Variants in SLCO3A1 observed in about 807,000 individuals in gnomAD.
The protein encoded by SLCO3A1 is solute carrier organic anion transporter family member 3A1.
Under a neutral mutation model 63.1 loss-of-function variants are expected in SLCO3A1, and 27 were observed. That is an observed-to-expected ratio of 0.43 (90% CI 0.32 to 0.59). The LOEUF (loss-of-function observed/expected upper bound fraction) is 0.59, where lower values mean the gene tolerates loss of function less well. SLCO3A1 is among the 20% of genes least tolerant of loss of function. The probability of loss-of-function intolerance (pLI) is 0.09; values close to 1 mark genes in which losing one functional copy is unlikely to be tolerated. For synonymous variants in SLCO3A1, 473 were observed against 409.9 expected, an observed-to-expected ratio of 1.15 and a Z score of -1.86; for missense variants, 773 against 945.8, an observed-to-expected ratio of 0.82 and a Z score of 2.40.
Position 91,882,824 on chromosome 15 carries a change from G to T in SLCO3A1, c.180+28736G>T, listed in dbSNP as rs1331398229. ...GGTGTGAGCTACCGCGCCCAGCCAT[G>T]ACTTCTTAATCCCACTCGGATTTCA... On this transcript the variant is annotated intron_variant, in intron 1 of 9. Coordinates refer to ENST00000318445, the MANE Select transcript of SLCO3A1 (RefSeq NM_013272.4). This position sits in a 1 kb window ranked among gnomAD's most constrained non-coding sequence, Gnocchi z 4.4. 2.6e-5 allele frequency among the ~76,000 whole-genome samples: 4 copies of T among 152,184 alleles called. No homozygotes were observed. Among genetic ancestry groups the T allele is most frequent in the Non-Finnish European group, 4.4e-5 (3 of 68,018 alleles).
In SLCO3A1 at chr15:91,916,543, C is replaced by A; in HGVS notation, c.646+85C>A. 1 of 1,042,134 alleles carries A rather than the reference C, an allele frequency of 9.6e-7. No individual in the cohort carries two copies. Among genetic ancestry groups the A allele is most frequent in the South Asian group, 1.5e-5 (1 of 65,380 alleles). 64.6% of individuals were successfully genotyped at this position (1,042,134 alleles called of 1,614,324 possible). A position where few individuals can be genotyped will look rare whatever the true frequency, so the allele number is the denominator to read the frequency against. ...GTGGCCTGGTGGACTTTGATTTTGC[C>A]AGAGTACTGGTTCTCAGACTTGGCT... On this transcript the variant is annotated intron_variant, in intron 2 of 9. Coordinates refer to ENST00000318445, the MANE Select transcript of SLCO3A1 (RefSeq NM_013272.4). The surrounding 1 kb of genome is among the most constrained non-coding windows in gnomAD (Gnocchi z 6.2).
At chr15:92,083,866 G>A (rs1284266327) in intron 2 of SLCO3A1, among the ~76,000 whole-genome samples, 3 of 152,146 alleles carry the variant, frequency 2.0e-5, no homozygotes, top group East Asian at 1.9e-4. Context: ...ACAATCCTGC[G>A]AGGTGGGTAC....
In SLCO3A1 at chr15:91,882,608, G is replaced by A. The variant is rs557556512; in HGVS notation, c.180+28520G>A. On this transcript the variant is annotated intron_variant, in intron 1 of 9. Transcript: ENST00000318445. This position sits in a 1 kb window ranked among gnomAD's most constrained non-coding sequence, Gnocchi z 4.4. Reference sequence around the variant, plus strand: ...CAGCTCACTGCAACCTCCGCCTCCCGGGTTCAAGCGATTCTCTTGCTTCAG... The same window carrying A: ...CAGCTCACTGCAACCTCCGCCTCCCAGGTTCAAGCGATTCTCTTGCTTCAG... Among the ~76,000 whole-genome samples the A allele has an allele frequency of 2.8e-3, 420 of 150,218 alleles. 5 individuals carry two copies. Among genetic ancestry groups the A allele is most frequent in the East Asian group, 6.1e-4 (3 of 4,922 alleles).
intron 2 of SLCO3A1, among the ~76,000 whole-genome samples, chr15:91,958,258 T>C (rs1409344781): frequency 6.6e-6 from 1 of 152,202 alleles, no homozygotes; most frequent in Non-Finnish European, 1.5e-5. Flanking sequence ...TCAAAATTTA[T>C]AGTCAGTGTT....
At chr15:92,147,318 A>G (rs732546) in intron 8 of SLCO3A1, among the ~76,000 whole-genome samples, 159 bp downstream of exon 8, 53,260 of 151,878 alleles carry the variant, frequency 0.35, 9,414 homozygotes, top group East Asian at 0.42. Context: ...GGAATCAATT[A>G]TGTTTGATAG....
Position 91,946,121 on chromosome 15 carries a change from G to A in SLCO3A1, c.646+29663G>A, listed in dbSNP as rs184408701. ...ATTCAGTATGGACTTCTTACTTCAG[G>A]GAGTGTGTCCCCAGGTCACCTTGGT... is the stretch of plus-strand genomic sequence containing the variant. On this transcript the variant is annotated intron_variant, in intron 2 of 9. Coordinates refer to ENST00000318445, the MANE Select transcript of SLCO3A1 (RefSeq NM_013272.4). Among the ~76,000 whole-genome samples the A allele has an allele frequency of 3.9e-5, 6 of 152,284 alleles. No homozygotes were observed. The East Asian group carries it at 1.2e-3, about 29-fold the overall frequency.
intron 2 of SLCO3A1, among the ~76,000 whole-genome samples, chr15:91,971,965 G>A (rs1900892578): frequency 6.6e-6 from 1 of 152,058 alleles, no homozygotes; most frequent in African/African-American, 2.4e-5. Flanking sequence ...TGGAATATTT[G>A]CATTATATTC....
At chr15:91,871,059 T>C (rs1897268628) in intron 1 of SLCO3A1, among the ~76,000 whole-genome samples, 1 of 152,208 alleles carries the variant, frequency 6.6e-6, no homozygotes, top group African/African-American at 2.4e-5. Context: ...CAGGAGTCTG[T>C]GTTTAAAGAT....
At chr15:91,956,831 C>A (rs1301701829) in intron 2 of SLCO3A1, among the ~76,000 whole-genome samples, 1 of 131,852 alleles carries the variant, frequency 7.6e-6, no homozygotes, top group African/African-American at 2.9e-5. Flanking sequence ...GCTCTGTCAC[C>A]CAGGCTGGAG....
Position 92,073,833 on chromosome 15 carries a change from C to T in SLCO3A1, c.647-21048C>T, listed in dbSNP as rs143551272. ...TCAGACATGGCTCAGTGTTCCCTGG[C>T]GGGCAAAGTTGCCACTGGTTAAGAA... On this transcript the variant is annotated intron_variant, in intron 2 of 9. Transcript: ENST00000318445. Among the ~76,000 whole-genome samples the T allele has an allele frequency of 7.1e-3, 1,079 of 152,314 alleles. 12 individuals are homozygous for T. The highest frequency in any genetic ancestry group is 0.022 in the African/African-American group (917 of 41,556).
intron 2 of SLCO3A1, among the ~76,000 whole-genome samples, chr15:92,001,221 AG>A (rs77843579): frequency 7.6e-5 from 3 of 39,226 alleles, no homozygotes; most frequent in South Asian, 8.9e-4. Context: ...GGCGGGGGGG[AG>A]GGGGCGAACA....
rs1296091955 is a variant in SLCO3A1, at chr15:91,946,289, C to T, written c.646+29831C>T. The stretch of plus-strand genomic sequence containing the variant: ...GTCAGTGGCAGGGAGCCAGGCTGCA[C>T]GTCTTTGATTTTTAACCTACACTCT... On this transcript the variant is annotated intron_variant, in intron 2 of 9. Transcript: ENST00000318445. Among the ~76,000 whole-genome samples, 3 of 152,164 alleles carry T rather than the reference C, an allele frequency of 2.0e-5. No homozygotes were observed. In the East Asian group the frequency reaches 5.8e-4, roughly 29 times the overall value.
At chr15:92,106,658 G>T (rs1027645381) in intron 4 of SLCO3A1, among the ~76,000 whole-genome samples, 2 of 152,160 alleles carry the variant, frequency 1.3e-5, no homozygotes, top group African/African-American at 2.4e-5. Context: ...GGAATAAAAA[G>T]ATTAAAAAGA....
intron 5 of SLCO3A1, among the ~76,000 whole-genome samples, chr15:92,125,452 A>G (rs1183299947): frequency 6.6e-6 from 1 of 152,136 alleles, no homozygotes; most frequent in African/African-American, 2.4e-5. Flanking sequence ...GAAAAAATAT[A>G]TATGCCATTT....
intron 1 of SLCO3A1, among the ~76,000 whole-genome samples, chr15:91,867,378 G>T (rs1785109684): frequency 6.6e-6 from 1 of 152,182 alleles, no homozygotes; most frequent in Non-Finnish European, 1.5e-5. Context: ...CCACATGGGA[G>T]GGGGGCAAAT....
At chr15:91,972,400 A>G (rs1275162140) in intron 2 of SLCO3A1, among the ~76,000 whole-genome samples, 2 of 152,088 alleles carry the variant, frequency 1.3e-5, no homozygotes, top group Non-Finnish European at 2.9e-5. Context: ...ACCCTTATAA[A>G]AGAGGCCCCA....
chr15:92,126,054 C>G lies in SLCO3A1; in HGVS notation c.1175-7C>G. 6.2e-7 allele frequency: 1 copy of G among 1,613,646 alleles called. No homozygotes were observed. Among genetic ancestry groups the G allele is most frequent in the Non-Finnish European group, 8.5e-7 (1 of 1,179,774 alleles). On this transcript the variant is annotated splice_region_variant and splice_polypyrimidine_tract_variant and intron_variant, in intron 5 of 9. Transcript: ENST00000318445. Reference sequence around the variant, plus strand: ...TTCACAGCCCTGCCCCTCTATTTTCCTTCCAGGGATGACTGCGATCCCGTG... The same window carrying G: ...TTCACAGCCCTGCCCCTCTATTTTCGTTCCAGGGATGACTGCGATCCCGTG...
intron 2 of SLCO3A1, among the ~76,000 whole-genome samples, chr15:92,028,376 C>T (rs935814714): frequency 4.5e-4 from 68 of 152,304 alleles, no homozygotes; most frequent in East Asian, 1.9e-4. Context: ...GGAATAGCTC[C>T]GGCTCCTGCC....
intron 1 of SLCO3A1, among the ~76,000 whole-genome samples, chr15:91,893,504 G>T (rs1456839512): frequency 6.6e-6 from 1 of 152,164 alleles, no homozygotes; most frequent in East Asian, 1.9e-4. Context: ...GCCAAAGGGT[G>T]TGGCAACTCT....
Sources: allele counts gnomAD v4.1 joint callset (sites outside exome capture counted in the v4.1 genomes callset), GRCh38; gene constraint gnomAD v4.1.1; non-coding constraint Gnocchi (gnomAD v3.1); transcripts MANE v1.5; gene names NCBI Gene and HGNC (gene_info 2026-07-23, HGNC 2026-07-21).